The following MYO9A variants were observed in gnomAD, a reference collection of about 807,000 sequenced individuals.
The protein encoded by MYO9A is myosin IXA.
Under a neutral mutation model 293.3 loss-of-function variants are expected in MYO9A, and 103 were observed. That is an observed-to-expected ratio of 0.35 (90% CI 0.30 to 0.41). MYO9A has a LOEUF of 0.41. Ranked by LOEUF, MYO9A falls within the 10% of genes least tolerant of loss-of-function variation. The pLI is 1.00. For synonymous variants in MYO9A, 1,001 were observed against 1,035.7 expected (o/e 0.97, Z 0.64); for missense variants, 2,685 against 3,033.0 (o/e 0.89, Z 2.69).
intron 39 of MYO9A, among the ~76,000 whole-genome samples, chr15:71,843,694 T>TTA (rs1179747320): frequency 6.6e-6 from 1 of 152,152 alleles, no homozygotes; most frequent in East Asian, 1.9e-4. Flanking sequence ...TTTCACCGCA[T>TTA]TGCCTAGGCT....
At chr15:71,852,325 T>G in intron 35 of MYO9A, 65 bp from the exon 36 acceptor site, 1 of 1,444,420 alleles carries the variant, frequency 6.9e-7, no homozygotes, top group African/African-American at 1.4e-5. Flanking sequence ...ATAATTCACT[T>G]TAGAAACTAT....
At chr15:72,097,579 A>G (rs1279234064) in intron 1 of MYO9A, among the ~76,000 whole-genome samples, 1 of 152,202 alleles carries the variant, frequency 6.6e-6, no homozygotes, top group African/African-American at 2.4e-5. Flanking sequence ...CTGAAACTGA[A>G]CTTAAATATA....
intron 19 of MYO9A, among the ~76,000 whole-genome samples, chr15:71,911,227 T>C (rs1190687544): frequency 6.6e-6 from 1 of 152,236 alleles, no homozygotes; most frequent in African/African-American, 2.4e-5. Context: ...AATACATACA[T>C]ATATGTTCAG....
Position 72,027,798 on chromosome 15 carries a change from A to G in MYO9A, c.936-5T>C, listed in dbSNP as rs369963150. ...AGATATTTTTCAACATAGGCACTAC[A>G]AGAAAAATTAAATTGGTTGATATAA... On this transcript the variant is annotated splice_region_variant and splice_polypyrimidine_tract_variant and intron_variant, in intron 3 of 41. Coordinates refer to ENST00000356056, the MANE Select transcript of MYO9A (RefSeq NM_006901.4). The G allele has an allele frequency of 3.0e-5, 48 of 1,592,810 alleles. No individual in the cohort carries two copies. The African/African-American group carries it at 6.4e-4, about 21-fold the overall frequency.
At chr15:72,022,374 G>T (rs2077526620) in intron 4 of MYO9A, among the ~76,000 whole-genome samples, 1 of 152,006 alleles carries the variant, frequency 6.6e-6, no homozygotes, top group Non-Finnish European at 1.5e-5. Flanking sequence ...ACAAAAATTA[G>T]CTGGGCATCA....
At chr15:71,902,797 T>C in intron 22 of MYO9A, 144 bp downstream of exon 22, 1 of 597,734 alleles carries the variant, frequency 1.7e-6, no homozygotes, top group Non-Finnish European at 2.6e-6. Flanking sequence ...ATTGACTACA[T>C]AATTAAATAA....
At chr15:71,945,993 G>A (rs1450811589) in intron 15 of MYO9A, among the ~76,000 whole-genome samples, 1 of 152,090 alleles carries the variant, frequency 6.6e-6, no homozygotes, top group African/African-American at 2.4e-5. Context: ...ATCATATGTG[G>A]CTTTCTTTTT....
intron 16 of MYO9A, 93 bp downstream of exon 16, chr15:71,938,759 A>G: frequency 2.8e-6 from 3 of 1,085,584 alleles, no homozygotes; most frequent in Admixed American, 5.3e-5. Context: ...ACAAGCCTGA[A>G]TTACTTCAAA....
intron 1 of MYO9A, among the ~76,000 whole-genome samples, chr15:72,085,167 G>T (rs1343420085): frequency 6.6e-6 from 1 of 152,080 alleles, no homozygotes; most frequent in Non-Finnish European, 1.5e-5. Flanking sequence ...GGCCAAGGTG[G>T]GTGAATCATG....
chr15:71,930,960 A>G (rs1390118091), intron 18 of MYO9A, among the ~76,000 whole-genome samples: 2 of 152,042 alleles, frequency 1.3e-5, no homozygotes, highest in African/African-American at 4.8e-5. Context: ...TAAACCCTAC[A>G]CTTTTACTCA....
intron 39 of MYO9A, among the ~76,000 whole-genome samples, chr15:71,843,488 CTTTTG>C (rs2055254462): frequency 6.6e-6 from 1 of 151,992 alleles, no homozygotes; most frequent in African/African-American, 2.4e-5. Flanking sequence ...TTCAGCTACT[CTTTTG>C]TTTGTTTTTG....
At chr15:72,010,576 T>C (rs1277151111) in intron 6 of MYO9A, 129 bp from the exon 7 acceptor site, 28 of 701,512 alleles carry the variant, frequency 4.0e-5, no homozygotes, top group Non-Finnish European at 6.4e-5. Flanking sequence ...GGTAGAATAG[T>C]AAGACCTAGT....
In MYO9A at chr15:71,892,678, C is replaced by T. The variant is rs1222120835; in HGVS notation, c.5142+1001G>A. 9.1e-5 allele frequency: 17 copies of T among 186,568 alleles called. No homozygotes were observed. In the Admixed American group the frequency reaches 9.2e-4, roughly 10 times the overall value. The allele number at this position is 186,568 out of a possible 1,614,324, so 11.6% of individuals were successfully genotyped here. A position where few individuals can be genotyped will look rare whatever the true frequency, so the allele number is the denominator to read the frequency against. On this transcript the variant is annotated intron_variant, in intron 26 of 41. Coordinates refer to ENST00000356056, the MANE Select transcript of MYO9A (RefSeq NM_006901.4). ...AAAATATTTGTTATCTGGCCGTTTA[C>T]AGAAAAAATGTAAGGACCACTGCTC...
Position 71,893,907 on chromosome 15 carries a change from AT to A in MYO9A, c.5043-130del. 3 of 724,382 alleles carry A rather than the reference AT, an allele frequency of 4.1e-6. No homozygotes were observed. In the Admixed American group the frequency reaches 8.4e-5, roughly 20 times the overall value. The allele number at this position is 724,382 out of a possible 1,614,324, so 44.9% of individuals were successfully genotyped here. On this transcript the variant is annotated intron_variant, in intron 25 of 41. Transcript: ENST00000356056. ...TCAATTCCCAAGACAATTAAGTCAT[AT>A]TTTTTCTGCTTAGCTAATTAGTAAT...
chr15:72,025,742 G>A (rs2077646865), intron 4 of MYO9A, among the ~76,000 whole-genome samples: 1 of 152,094 alleles, frequency 6.6e-6, no homozygotes, highest in Non-Finnish European at 1.5e-5. Flanking sequence ...AATGAAGAAA[G>A]CAACTAGACA....
At chr15:71,919,840 T>TC (rs1423406378) in intron 18 of MYO9A, among the ~76,000 whole-genome samples, 1 of 21,704 alleles carries the variant, frequency 4.6e-5, no homozygotes, top group Non-Finnish European at 9.1e-5. Context: ...AGACTCCATC[T>TC]CAAAAAAAAA....
At chr15:71,827,402 G>C (rs2054548892) in intron 41 of MYO9A, among the ~76,000 whole-genome samples, 1 of 151,954 alleles carries the variant, frequency 6.6e-6, no homozygotes, top group South Asian at 2.1e-4. Flanking sequence ...TCACAGTGGG[G>C]GCACAATGCC....
At chr15:71,984,222 A>G (rs1391452421) in intron 11 of MYO9A, among the ~76,000 whole-genome samples, 1 of 152,200 alleles carries the variant, frequency 6.6e-6, no homozygotes, top group African/African-American at 2.4e-5. Context: ...AGCACATTTA[A>G]TGTCCTGCAC....
chr15:71,889,946 C>T (rs558564440), intron 26 of MYO9A: 1 of 152,288 alleles, frequency 6.6e-6, no homozygotes, highest in East Asian at 1.9e-4. Context: ...TGTCTTAAGG[C>T]TGCCAATCCA....
Sources: gnomAD v4.1 joint callset for allele counts (sites outside exome capture counted in the v4.1 genomes callset) on GRCh38, gnomAD v4.1.1 for gene constraint, MANE v1.5 for transcripts, NCBI Gene and HGNC (gene_info 2026-07-23, HGNC 2026-07-21) for gene names.